Variants in LRMDA observed in about 807,000 individuals in gnomAD.
LRMDA encodes leucine-rich melanocyte differentiation-associated protein.
LRMDA carries 18 observed loss-of-function variants against 29.8 expected under a neutral mutation model. The ratio of observed to expected loss-of-function variants is 0.60; its 90% CI spans 0.42 to 0.90. LRMDA has a LOEUF of 0.90. Ranked by LOEUF, LRMDA falls within the 40% of genes least tolerant of loss-of-function variation. The pLI is 0.00. For synonymous variants in LRMDA, 125 were observed against 109.4 expected (o/e 1.14, Z -0.89); for missense variants, 273 against 273.9 (o/e 1.00, Z 0.02).
At chr10:76,223,135 A>T (rs1457615556) in intron 5 of LRMDA, among the ~76,000 whole-genome samples, 1 of 151,308 alleles carries the variant, frequency 6.6e-6, no homozygotes, top group African/African-American at 2.4e-5. Flanking sequence ...GGGAGTGGGG[A>T]GGGATAGCTT....
chr10:75,496,314 T>A (rs190362294), intron 2 of LRMDA, among the ~76,000 whole-genome samples: 224 of 152,270 alleles, frequency 1.5e-3, no homozygotes, highest in Non-Finnish European at 2.4e-3. Flanking sequence ...AGTGGTTTTT[T>A]AAAAAATCTA....
At chr10:75,575,644 G>C (rs1056827853) in intron 2 of LRMDA, among the ~76,000 whole-genome samples, 2 of 152,156 alleles carry the variant, frequency 1.3e-5, no homozygotes, top group African/African-American at 2.4e-5. Context: ...GAAGGCGAGT[G>C]ATTTCTGCAT....
chr10:75,772,238 T>C (rs1843250318), intron 2 of LRMDA, among the ~76,000 whole-genome samples: 1 of 152,242 alleles, frequency 6.6e-6, no homozygotes, highest in Admixed American at 6.5e-5. Flanking sequence ...AAGTTGTTTA[T>C]TTTTGTAAAA....
chr10:75,947,575 G>A (rs1306687303), intron 2 of LRMDA, among the ~76,000 whole-genome samples: 1 of 152,124 alleles, frequency 6.6e-6, no homozygotes, highest in Non-Finnish European at 1.5e-5. Context: ...TTGAGTCCTG[G>A]GTCTACCCCT....
intron 6 of LRMDA, among the ~76,000 whole-genome samples, chr10:76,472,276 A>C (rs561521673): frequency 6.6e-6 from 1 of 151,950 alleles, no homozygotes; most frequent in African/African-American, 2.4e-5. Context: ...GGAATTCTCA[A>C]ATATGTAGAA....
At chr10:75,467,763 C>A (rs2132042865) in intron 2 of LRMDA, among the ~76,000 whole-genome samples, 1 of 152,148 alleles carries the variant, frequency 6.6e-6, no homozygotes, top group Admixed American at 6.5e-5. Flanking sequence ...GCGATTGAGA[C>A]CATCCTGGCC....
chr10:75,662,874 A>G (rs1206554476), intron 2 of LRMDA, among the ~76,000 whole-genome samples: 1 of 152,186 alleles, frequency 6.6e-6, no homozygotes, highest in Non-Finnish European at 1.5e-5. Flanking sequence ...TTCGTTTGGT[A>G]AAGGAGTAAT....
chr10:76,315,280 G>C (rs796988967), intron 5 of LRMDA, among the ~76,000 whole-genome samples: 12 of 152,340 alleles, frequency 7.9e-5, no homozygotes, highest in African/African-American at 2.6e-4. Context: ...GCCAGGAACA[G>C]ACAAGAGCCC....
chr10:76,318,294 C>T (rs976954313), intron 5 of LRMDA: 4 of 152,156 alleles, frequency 2.6e-5, no homozygotes, highest in African/African-American at 9.7e-5. Flanking sequence ...TTTTTCCTTC[C>T]CTGCCTTTCA....
intron 6 of LRMDA, among the ~76,000 whole-genome samples, chr10:76,331,982 A>C (rs1840909851): frequency 6.6e-6 from 1 of 152,224 alleles, no homozygotes; most frequent in Admixed American, 6.5e-5. Flanking sequence ...AAAGGACTTT[A>C]CTAAGTGCTG....
chr10:75,890,253 A>G (rs1329242857), intron 2 of LRMDA, among the ~76,000 whole-genome samples: 1 of 152,188 alleles, frequency 6.6e-6, no homozygotes, highest in Non-Finnish European at 1.5e-5. Flanking sequence ...AAAATTCATA[A>G]GTATATTTAA....
chr10:76,301,289 T>C (rs1840477123), intron 5 of LRMDA, among the ~76,000 whole-genome samples: 1 of 152,216 alleles, frequency 6.6e-6, no homozygotes, highest in South Asian at 2.1e-4. Context: ...CTCATGCTGT[T>C]ATATGAAACA....
At chr10:76,413,001 A>T (rs1159478443) in intron 6 of LRMDA, among the ~76,000 whole-genome samples, 2 of 151,542 alleles carry the variant, frequency 1.3e-5, no homozygotes, top group Non-Finnish European at 2.9e-5. Context: ...TCCTCTTCAC[A>T]TTCTTTGCCT....
chr10:75,617,921 C>A (rs1193197832), intron 2 of LRMDA, among the ~76,000 whole-genome samples: 3 of 152,194 alleles, frequency 2.0e-5, no homozygotes, highest in Admixed American at 6.5e-5. Flanking sequence ...GCAAATCAAC[C>A]TCGCTAGGCC....
intron 6 of LRMDA, among the ~76,000 whole-genome samples, chr10:76,520,592 C>T (rs1843108813): frequency 6.6e-6 from 1 of 151,900 alleles, no homozygotes; most frequent in Non-Finnish European, 1.5e-5. Flanking sequence ...AGAAATATAC[C>T]TGTTTGTTTG....
chr10:75,573,607 T>G (rs1359327977), intron 2 of LRMDA, among the ~76,000 whole-genome samples: 1 of 152,180 alleles, frequency 6.6e-6, no homozygotes, highest in Non-Finnish European at 1.5e-5. Context: ...TTGAAGACTG[T>G]TTTTTAAGAT....
chr10:76,177,612 T>C (rs1850963888), intron 5 of LRMDA, among the ~76,000 whole-genome samples: 1 of 151,990 alleles, frequency 6.6e-6, no homozygotes, highest in Non-Finnish European at 1.5e-5. Flanking sequence ...AATGGCTCCT[T>C]TTTCTAAGTA....
chr10:75,700,948 C>A (rs1842300694), intron 2 of LRMDA, among the ~76,000 whole-genome samples: 2 of 152,214 alleles, frequency 1.3e-5, no homozygotes, highest in Non-Finnish European at 1.5e-5. Flanking sequence ...CTATGCAAAT[C>A]ATCTGTTTCA....
At chr10:76,251,008 G>A (rs1852469432) in intron 5 of LRMDA, among the ~76,000 whole-genome samples, 1 of 152,144 alleles carries the variant, frequency 6.6e-6, no homozygotes, top group African/African-American at 2.4e-5. Flanking sequence ...TCAGATGGCA[G>A]CTCACAAAAC....
Sources: gnomAD v4.1 joint callset for allele counts (sites outside exome capture counted in the v4.1 genomes callset) on GRCh38, gnomAD v4.1.1 for gene constraint, MANE v1.5 for transcripts, NCBI Gene and HGNC (gene_info 2026-07-23, HGNC 2026-07-21) for gene names.